Variants in RIMBP2 observed in about 807,000 individuals in gnomAD.
The protein encoded by RIMBP2 is RIMS-binding protein 2.
A neutral mutation model predicts 118.6 loss-of-function variants in RIMBP2; 48 were observed. The ratio of observed to expected loss-of-function variants is 0.40; its 90% CI spans 0.32 to 0.51. RIMBP2 has a LOEUF of 0.51. Ranked by LOEUF, RIMBP2 falls within the 20% of genes least tolerant of loss-of-function variation. The pLI is 0.41. For missense variants in RIMBP2, 1,551 were observed against 1,768.3 expected, an observed-to-expected ratio of 0.88 and a Z score of 2.20; for synonymous variants, 762 against 742.9, an observed-to-expected ratio of 1.03 and a Z score of -0.42.
intron 18 of RIMBP2, 89 bp downstream of exon 18, chr12:130,414,036 A>G: frequency 7.3e-7 from 1 of 1,373,990 alleles, no homozygotes; most frequent in East Asian, 2.3e-5. Flanking sequence ...GGCCATCTCT[A>G]AGTCGATACC....
chr12:130,601,368 G>A lies in RIMBP2; in HGVS notation c.-217+26954C>T, dbSNP rs951138416. The stretch of plus-strand genomic sequence containing the variant: ...AAAAAAAAAAAAAAAAAAGCAAACC[G>A]GCTGGTGAATGTGATTATCTTTTAC... On this transcript the variant is annotated intron_variant, in intron 2 of 22. Transcript: ENST00000690449. 1.7e-4 allele frequency among the ~76,000 whole-genome samples: 23 copies of A among 133,106 alleles called. 2 individuals are homozygous for A. The highest frequency in any genetic ancestry group is 1.4e-3 in the Admixed American group (17 of 12,402). The allele number at this position is 133,106 out of a possible 152,430, so 87.3% of individuals were successfully genotyped here.
chr12:130,463,944 CT>C (rs2080230160), intron 6 of RIMBP2, among the ~76,000 whole-genome samples: 1 of 151,854 alleles, frequency 6.6e-6, no homozygotes, highest in African/African-American at 2.4e-5. Context: ...ACATTACACG[CT>C]CATTATAATG....
Position 130,431,517 on chromosome 12 carries a change from A to G in RIMBP2, c.2254-3180T>C, listed in dbSNP as rs750540254. On this transcript the variant is annotated intron_variant, in intron 14 of 22. Coordinates refer to ENST00000690449, the MANE Select transcript of RIMBP2 (RefSeq NM_001393629.1). This position sits in a 1 kb window ranked among gnomAD's most constrained non-coding sequence, Gnocchi z 4.0. ...ACGTTACTTTTAAAGAAAATATCTCAACTGTAAATGGAAAATAAGTATCAC... is the reference window on the plus strand; with the variant it reads ...ACGTTACTTTTAAAGAAAATATCTCGACTGTAAATGGAAAATAAGTATCAC... 8 of 312,766 alleles carry G rather than the reference A, an allele frequency of 2.6e-5. No individual in the cohort carries two copies. The highest frequency in any genetic ancestry group is 4.8e-5 in the Non-Finnish European group (7 of 146,494). 19.4% of individuals were successfully genotyped at this position (312,766 alleles called of 1,614,324 possible). A position where few individuals can be genotyped will look rare whatever the true frequency, so the allele number is the denominator to read the frequency against.
At chr12:130,705,236 C>T (rs2066046459) in intron 1 of RIMBP2, among the ~76,000 whole-genome samples, 2 of 152,136 alleles carry the variant, frequency 1.3e-5, no homozygotes, top group African/African-American at 2.4e-5. Flanking sequence ...CCTGCACACC[C>T]GAAGCCCAGG....
At chr12:130,604,223 G>A (rs922065252) in intron 2 of RIMBP2, among the ~76,000 whole-genome samples, 1 of 151,226 alleles carries the variant, frequency 6.6e-6, no homozygotes, top group Non-Finnish European at 1.5e-5. Flanking sequence ...GGATTTTTGT[G>A]CAGCTGTGCA....
chr12:130,622,319 G>A lies in RIMBP2; in HGVS notation c.-217+6003C>T, dbSNP rs6486560. Reference sequence around the variant, plus strand: ...AAGTTTTGCCATCTCTGTGCCCACTGTTAACTGACCCTCTTTCTTTAAATG... The same window carrying A: ...AAGTTTTGCCATCTCTGTGCCCACTATTAACTGACCCTCTTTCTTTAAATG... On this transcript the variant is annotated intron_variant, in intron 2 of 22. Transcript: ENST00000690449. This position sits in a 1 kb window ranked among gnomAD's most constrained non-coding sequence, Gnocchi z 8.5. Among the ~76,000 whole-genome samples the A allele has an allele frequency of 0.88, 133,703 of 152,120 alleles. 59,655 individuals are homozygous for A. Among genetic ancestry groups the A allele is most frequent in the Non-Finnish European group, 0.96 (65,614 of 68,020 alleles).
intron 2 of RIMBP2, among the ~76,000 whole-genome samples, chr12:130,609,471 TG>T (rs2060382582): frequency 7.5e-6 from 1 of 132,622 alleles, no homozygotes; most frequent in Non-Finnish European, 1.7e-5. Context: ...CTGAGCCACC[TG>T]GGGGACCTTC....
Position 130,438,534 on chromosome 12 carries a change from G to A in RIMBP2, c.1505-18C>T. The A allele has an allele frequency of 1.3e-6, 2 of 1,567,144 alleles. No individual in the cohort carries two copies. The highest frequency in any genetic ancestry group is 1.7e-6 in the Non-Finnish European group (2 of 1,155,058). ...TGGGGGTCCTGGGAGGGGACAGAAG[G>A]GAACGGAGGCGTTCAGGGACCAGCC... On this transcript the variant is annotated intron_variant, in intron 11 of 22. Transcript: ENST00000690449.
At chr12:130,428,753 G>A (rs906332123) in intron 14 of RIMBP2, 5 of 157,848 alleles carry the variant, frequency 3.2e-5, no homozygotes, top group Admixed American at 2.6e-4. Flanking sequence ...ATCCAGCATT[G>A]TGTCAGAGAG....
chr12:130,650,144 G>C (rs1482207835), intron 1 of RIMBP2, among the ~76,000 whole-genome samples: 1 of 152,086 alleles, frequency 6.6e-6, no homozygotes, highest in Non-Finnish European at 1.5e-5. Flanking sequence ...AATTGCGGCT[G>C]CTGCCTTGCC....
intron 1 of RIMBP2, among the ~76,000 whole-genome samples, chr12:130,667,018 G>A (rs549430321): frequency 5.8e-4 from 36 of 61,558 alleles, no homozygotes; most frequent in African/African-American, 2.1e-3. Context: ...AGGGAGGGAG[G>A]GAGAGAAAGA....
intron 8 of RIMBP2, 74 bp downstream of exon 8, chr12:130,451,121 A>C: frequency 6.6e-7 from 1 of 1,518,424 alleles, no homozygotes; most frequent in Non-Finnish European, 9.0e-7. Flanking sequence ...AAAAAACAGG[A>C]CAAACTGGCC....
chr12:130,632,986 T>C (rs1034898356), intron 1 of RIMBP2, among the ~76,000 whole-genome samples: 1 of 152,230 alleles, frequency 6.6e-6, no homozygotes, highest in Admixed American at 6.5e-5. Context: ...CACAGGATCA[T>C]GCCTTCTGCC....
rs150881691 is a variant in RIMBP2 at position 130,560,683 on chromosome 12, C to T, written c.-216-42766G>A. On this transcript the variant is annotated intron_variant, in intron 2 of 22. Transcript: ENST00000690449. The stretch of plus-strand genomic sequence containing the variant: ...AGTCAGGAGAGCAGCTCCTCAATCG[C>T]ATGTGTCTTAACCAAATGGAACTCT... Among the ~76,000 whole-genome samples, 4 of 152,344 alleles carry T rather than the reference C, an allele frequency of 2.6e-5. No homozygotes were observed. The East Asian group carries it at 7.7e-4, about 29-fold the overall frequency.
intron 1 of RIMBP2, among the ~76,000 whole-genome samples, chr12:130,709,639 A>C (rs964484643): frequency 6.6e-6 from 1 of 152,194 alleles, no homozygotes; most frequent in South Asian, 2.1e-4. Flanking sequence ...ATCTCCGTCC[A>C]AGGAGGTACA....
chr12:130,503,964 T>C (rs1474932339), intron 4 of RIMBP2, among the ~76,000 whole-genome samples: 1 of 152,140 alleles, frequency 6.6e-6, no homozygotes, highest in African/African-American at 2.4e-5. Context: ...GATAATGAAG[T>C]CATCAATTAT....
At chr12:130,472,611 T>C (rs1027845667) in intron 5 of RIMBP2, among the ~76,000 whole-genome samples, 1 of 152,232 alleles carries the variant, frequency 6.6e-6, no homozygotes, top group African/African-American at 2.4e-5. Flanking sequence ...GGAGAATAAT[T>C]AGTGATGGAC....
chr12:130,527,812 T>A (rs2052969153), intron 2 of RIMBP2, among the ~76,000 whole-genome samples: 1 of 149,838 alleles, frequency 6.7e-6, no homozygotes, highest in Admixed American at 6.6e-5. Flanking sequence ...AAAGAAGACA[T>A]TTATGTGGCC....
chr12:130,697,143 C>T (rs1173574975), intron 1 of RIMBP2, among the ~76,000 whole-genome samples: 1 of 152,236 alleles, frequency 6.6e-6, no homozygotes, highest in Non-Finnish European at 1.5e-5. Flanking sequence ...GACTGCCAGA[C>T]TGGAGGTACC....
Sources: allele counts gnomAD v4.1 joint callset (sites outside exome capture counted in the v4.1 genomes callset), GRCh38; gene constraint gnomAD v4.1.1; non-coding constraint Gnocchi (gnomAD v3.1); transcripts MANE v1.5; gene names NCBI Gene and HGNC (gene_info 2026-07-23, HGNC 2026-07-21).